KLK15: variants seen among roughly 807,000 people sequenced by gnomAD.
KLK15 encodes the protein kallikrein-15.
In KLK15, 19 loss-of-function variants were observed where a neutral mutation model predicts 21.1. The ratio of observed to expected loss-of-function variants is 0.90; its 90% CI spans 0.63 to 1.32. The LOEUF (loss-of-function observed/expected upper bound fraction) is 1.32. Ranked by LOEUF, KLK15 falls within the 40% of genes most tolerant of loss-of-function variation. KLK15 has a pLI of 0.00. For missense variants in KLK15, 345 were observed against 348.6 expected (o/e 0.99, Z 0.08); for synonymous variants, 141 against 141.5 (o/e 1.00, Z 0.03).
chr19:50,833,478 A>G (rs974334405), upstream of KLK15, among the ~76,000 whole-genome samples: 3 of 152,198 alleles, frequency 2.0e-5, no homozygotes, highest in African/African-American at 7.2e-5. Flanking sequence ...ACCAGGGCAC[A>G]GTGAATCTCC....
chr19:50,826,486 T>A, intron 4 of KLK15, 135 bp downstream of exon 5: 1 of 1,099,222 alleles, frequency 9.1e-7, no homozygotes, highest in Non-Finnish European at 1.3e-6. Flanking sequence ...TATTCTAACT[T>A]CTCTTCCTAC....
downstream of KLK15, chr19:50,825,560 A>C (rs1009312941): frequency 1.7e-5 from 7 of 400,772 alleles, no homozygotes; most frequent in Non-Finnish European, 2.7e-5. Flanking sequence ...TTGACCCCAG[A>C]AAAAAGTCAC....
chr19:50,832,142 C>G (rs1416005222), upstream of KLK15, among the ~76,000 whole-genome samples: 1 of 151,096 alleles, frequency 6.6e-6, no homozygotes, highest in Admixed American at 6.6e-5. Context: ...TCTTATCTGG[C>G]CTTTTGGGTC....
In KLK15 at chr19:50,828,980, A is replaced by G. The variant is rs548196921; in HGVS notation, c.44-1165T>C. ...GTGAAACTCCATCTCAAAAAAAAAA[A>G]AAAAAAAAAAAAAAGAATCACAGCA... On this transcript the variant is annotated intron_variant, in intron 1 of 4. Transcript: ENST00000598239. 8.0e-5 allele frequency among the ~76,000 whole-genome samples: 12 copies of G among 150,138 alleles called. No individual in the cohort carries two copies. In the South Asian group the frequency reaches 2.5e-3, roughly 32 times the overall value.
At chr19:50,826,514 C>A in intron 4 of KLK15, 107 bp downstream of exon 5, 1 of 1,355,088 alleles carries the variant, frequency 7.4e-7, no homozygotes, top group Non-Finnish European at 9.9e-7. Flanking sequence ...CCAAGCCTAA[C>A]CCTAGCATCT....
At position 50,825,962 on chromosome 19, in the gene KLK15, A is replaced by G; in HGVS notation, c.619-14T>C. On this transcript the variant is annotated splice_polypyrimidine_tract_variant and intron_variant, in intron 4 of 4. Transcript: ENST00000598239. ...CCCAGAGTCACCCTGTGGGGAAAAG[A>G]GGGGGTCTCAGGTTGAGTGAAACCT... is the stretch of plus-strand genomic sequence containing the variant. The G allele has an allele frequency of 6.2e-7, 1 of 1,607,316 alleles. No homozygotes were observed. Among genetic ancestry groups the G allele is most frequent in the East Asian group, 2.2e-5 (1 of 44,696 alleles).
At chr19:50,831,555 C>T (rs770848442), upstream of KLK15, 190 of 1,338,432 alleles carry the variant, frequency 1.4e-4, no homozygotes, top group Non-Finnish European at 1.9e-4. Flanking sequence ...CCAGGTGAGG[C>T]AGGACCCTTC....
downstream of KLK15, chr19:50,825,351 C>G (rs1883938589): frequency 1.3e-5 from 2 of 155,806 alleles, no homozygotes; most frequent in African/African-American, 4.8e-5. Context: ...TCACAACAGC[C>G]CTTTGAAGTC....
exon 4 of KLK15, chr19:50,826,753 A>G (rs1221785844): frequency 1.9e-6 from 3 of 1,610,418 alleles, no homozygotes. Flanking sequence ...TATCTGGGAG[A>G]CTCACTGGGG....
chr19:50,825,828 C>T lies in KLK15; in HGVS notation c.739G>A (p.Glu247Lys), dbSNP rs773987059. 4 of 1,614,016 alleles carry T rather than the reference C, an allele frequency of 2.5e-6. No individual in the cohort carries two copies. The South Asian group carries it at 4.4e-5, about 18-fold the overall frequency. ...CTCTTCATGGTTTCCCTGATCCACTCCAAGTAGTGGCAGACTTTGGTATAG... is the reference window on the plus strand; with the variant it reads ...CTCTTCATGGTTTCCCTGATCCACTTCAAGTAGTGGCAGACTTTGGTATAG... The change falls in exon 5 of 5, where the codon GAG becomes AAG. Residue 247 changes from glutamate to lysine, a missense_variant. Glu to Lys is a moderately conservative substitution (Grantham distance 56). Transcript: ENST00000598239.
Position 50,827,154 on chromosome 19 carries a change from T to A in KLK15, c.205A>T (p.Arg69Ter). 1 of 1,583,876 alleles carries A rather than the reference T, an allele frequency of 6.3e-7. No homozygotes were observed. Among genetic ancestry groups the A allele is most frequent in the East Asian group, 2.2e-5 (1 of 44,686 alleles). ...AGGTTGTGCTCTCCCAGGCGCACTC[T>A]CATGAAGCTGTGCGGGCGAGTGGTT... is the stretch of plus-strand genomic sequence containing the variant. Residue 69 changes from arginine to a stop codon, truncating the protein, a stop_gained, in exon 3 of 5, where the codon AGA (arginine) becomes TGA (stop). Transcript: ENST00000598239. LOFTEE classifies it high-confidence loss of function.
intron 4 of KLK15, chr19:50,826,205 A>G: frequency 2.0e-6 from 1 of 504,060 alleles, no homozygotes; most frequent in East Asian, 3.2e-5. Context: ...GTGCAACTGT[A>G]CTAAGTTAAA....
At chr19:50,829,960 C>A (rs1321439447) in intron 1 of KLK15, among the ~76,000 whole-genome samples, 2 of 151,696 alleles carry the variant, frequency 1.3e-5, no homozygotes, top group Non-Finnish European at 3.0e-5. Flanking sequence ...CACCCAGACA[C>A]GGGGCTGGGC....
intron 1 of KLK15, 139 bp downstream of exon 2, chr19:50,831,311 T>C (rs1189827635): frequency 3.4e-6 from 2 of 593,262 alleles, no homozygotes; most frequent in East Asian, 3.5e-5. Flanking sequence ...CTTAGGGACA[T>C]TGGCACAGGT....
upstream of KLK15, among the ~76,000 whole-genome samples, chr19:50,831,960 C>T (rs1205089347): frequency 1.3e-5 from 2 of 151,984 alleles, no homozygotes; most frequent in African/African-American, 4.8e-5. Context: ...TACAGGCGCC[C>T]ACCACCGTGC....
intron 1 of KLK15, among the ~76,000 whole-genome samples, chr19:50,829,301 A>G (rs1568485542): frequency 6.6e-6 from 1 of 151,678 alleles, no homozygotes; most frequent in Non-Finnish European, 1.5e-5. Context: ...AGGATGAGGT[A>G]GGAATGTGTA....
upstream of KLK15, among the ~76,000 whole-genome samples, chr19:50,832,159 C>T (rs2089999584): frequency 6.6e-6 from 1 of 151,624 alleles, no homozygotes; most frequent in South Asian, 2.1e-4. Flanking sequence ...GGTCCCCCTC[C>T]AGTCCAGTCC....
intron 3 of KLK15, 25 bp downstream of exon 4, chr19:50,826,853 C>T (rs2089887859): frequency 1.3e-6 from 2 of 1,552,420 alleles, no homozygotes; most frequent in Non-Finnish European, 1.7e-6. Flanking sequence ...TGAGGCCTCG[C>T]ATCCAGCTCC....
At chr19:50,832,819 G>C (rs994580466), upstream of KLK15, among the ~76,000 whole-genome samples, 5 of 152,046 alleles carry the variant, frequency 3.3e-5, no homozygotes, top group Non-Finnish European at 5.9e-5. Context: ...GACCTCCCCT[G>C]ACCCTCAGTG....
Sources: allele counts gnomAD v4.1 joint callset (sites outside exome capture counted in the v4.1 genomes callset), GRCh38; gene constraint gnomAD v4.1.1; transcripts MANE v1.5; gene names NCBI Gene and HGNC (gene_info 2026-07-23, HGNC 2026-07-21).